The following CCSER1 variants were observed in gnomAD, a reference collection of about 807,000 sequenced individuals.
CCSER1 encodes serine-rich coiled-coil domain-containing protein 1.
A neutral mutation model predicts 82.0 loss-of-function variants in CCSER1; 41 were observed. That is an observed-to-expected ratio of 0.50 (90% CI 0.39 to 0.65). The LOEUF is 0.65. CCSER1 is among the 30% of genes least tolerant of loss of function. The pLI is 0.00. For missense variants in CCSER1, 1,119 were observed against 1,064.2 expected (o/e 1.05, Z -0.72); for synonymous variants, 414 against 383.9 (o/e 1.08, Z -0.92).
At chr4:91,333,220 A>G (rs1293512067) in intron 10 of CCSER1, among the ~76,000 whole-genome samples, 1 of 152,048 alleles carries the variant, frequency 6.6e-6, no homozygotes. Context: ...TTCTGAATAC[A>G]GTATAATGCA....
intron 9 of CCSER1, among the ~76,000 whole-genome samples, chr4:91,082,718 AAATC>A (rs1274871517): frequency 6.6e-6 from 1 of 152,072 alleles, no homozygotes; most frequent in East Asian, 1.9e-4. Flanking sequence ...TTACAAGAAA[AAATC>A]AAACAACCCC....
chr4:90,738,160 A>G lies in CCSER1; in HGVS notation c.2010+14169A>G, dbSNP rs148041691. ...CTAGATGGTCTTGATGCTTGTGGATATTCATCAGGGTCTGGTGTCTGGGTA... is the reference window on the plus strand; with the variant it reads ...CTAGATGGTCTTGATGCTTGTGGATGTTCATCAGGGTCTGGTGTCTGGGTA... On this transcript the variant is annotated intron_variant, in intron 7 of 10. Transcript: ENST00000509176. Among the ~76,000 whole-genome samples the G allele has an allele frequency of 5.7e-3, 867 of 152,180 alleles. 10 individuals carry two copies. The highest frequency in any genetic ancestry group is 0.02 in the African/African-American group (828 of 41,530).
chr4:90,710,477 T>C (rs1026678823), intron 6 of CCSER1, among the ~76,000 whole-genome samples: 2 of 152,202 alleles, frequency 1.3e-5, no homozygotes, highest in East Asian at 3.8e-4. Flanking sequence ...TATATGTAAG[T>C]CTTTAATTCC....
chr4:91,237,270 A>G lies in CCSER1; in HGVS notation c.2217+151276A>G, dbSNP rs538138255. On this transcript the variant is annotated intron_variant, in intron 10 of 10. Transcript: ENST00000509176. The stretch of plus-strand genomic sequence containing the variant: ...AATTAGATGTTTTTTAGAGTTTAAG[A>G]AAGATACTTAGACATCTGTTATAAT... Among the ~76,000 whole-genome samples, 18 of 152,070 alleles carry G rather than the reference A, an allele frequency of 1.2e-4. No homozygotes were observed. In the South Asian group the frequency reaches 1.7e-3, roughly 14 times the overall value.
chr4:91,169,313 A>G (rs566839659), intron 10 of CCSER1, among the ~76,000 whole-genome samples: 2 of 151,584 alleles, frequency 1.3e-5, no homozygotes, highest in South Asian at 4.2e-4. Context: ...TTTGCTTTAT[A>G]TATTTTGAAG....
intron 6 of CCSER1, among the ~76,000 whole-genome samples, chr4:90,707,637 T>G (rs1425143621): frequency 1.3e-5 from 2 of 152,086 alleles, no homozygotes; most frequent in African/African-American, 4.8e-5. Context: ...TTATAATCAC[T>G]TTGGAGTGGT....
chr4:90,276,251 T>TTTCTTTCTTTCTTTCCTTCC (rs1727659770), intron 1 of CCSER1, among the ~76,000 whole-genome samples: 3 of 76,844 alleles, frequency 3.9e-5, no homozygotes, highest in East Asian at 4.0e-4. Context: ...TCTTTCTTTC[T>TTTCTTTCTTTCTTTCCTTCC]TTCCTTCCTT....
At chr4:91,117,453 C>G (rs755451240) in intron 10 of CCSER1, among the ~76,000 whole-genome samples, 10 of 152,186 alleles carry the variant, frequency 6.6e-5, no homozygotes, top group Admixed American at 1.3e-4. Flanking sequence ...TAGCTTATAA[C>G]ATTCTTAGAA....
At chr4:91,321,984 AC>A (rs1306664895) in intron 10 of CCSER1, among the ~76,000 whole-genome samples, 2 of 152,136 alleles carry the variant, frequency 1.3e-5, no homozygotes, top group Non-Finnish European at 2.9e-5. Flanking sequence ...GTTGATTTTT[AC>A]CAACTGTTTT....
At chr4:91,027,478 C>T (rs1392163432) in intron 9 of CCSER1, among the ~76,000 whole-genome samples, 1 of 151,800 alleles carries the variant, frequency 6.6e-6, no homozygotes, top group Non-Finnish European at 1.5e-5. Context: ...TCTAGTTTTT[C>T]CATCAATAAA....
intron 8 of CCSER1, among the ~76,000 whole-genome samples, chr4:90,885,238 T>A (rs946611852): frequency 6.6e-6 from 1 of 152,122 alleles, no homozygotes; most frequent in African/African-American, 2.4e-5. Context: ...GTATTCTCAG[T>A]AATACATTAC....
intron 1 of CCSER1, among the ~76,000 whole-genome samples, chr4:90,292,140 T>G (rs1371375281): frequency 6.6e-6 from 1 of 151,968 alleles, no homozygotes; most frequent in African/African-American, 2.4e-5. Flanking sequence ...TTTGACTGTC[T>G]TTACTATCAT....
intron 10 of CCSER1, among the ~76,000 whole-genome samples, chr4:91,462,834 C>T (rs1311512631): frequency 2.0e-5 from 3 of 152,140 alleles, no homozygotes; most frequent in Non-Finnish European, 4.4e-5. Flanking sequence ...ATTGCTGAGG[C>T]TTGAGTAGGT....
chr4:90,182,285 G>T (rs1170946509), intron 1 of CCSER1, among the ~76,000 whole-genome samples: 1 of 151,878 alleles, frequency 6.6e-6, no homozygotes, highest in African/African-American at 2.4e-5. Context: ...AGTTGTTTTT[G>T]ATTTGACTCA....
At chr4:90,494,126 T>C (rs1354239080) in intron 5 of CCSER1, among the ~76,000 whole-genome samples, 4 of 152,024 alleles carry the variant, frequency 2.6e-5, no homozygotes, top group Non-Finnish European at 5.9e-5. Flanking sequence ...TAGTCTTGGA[T>C]AAAACAGACT....
intron 1 of CCSER1, among the ~76,000 whole-genome samples, chr4:90,252,966 C>T (rs114550330): frequency 1.9e-3 from 289 of 151,984 alleles, no homozygotes; most frequent in African/African-American, 6.7e-3. Context: ...CTGTAGAAGG[C>T]ATACTTTGAA....
At chr4:91,487,211 A>G (rs1187737588) in intron 10 of CCSER1, among the ~76,000 whole-genome samples, 1 of 152,092 alleles carries the variant, frequency 6.6e-6, no homozygotes, top group Admixed American at 6.6e-5. Context: ...TTTCAATTAG[A>G]GTCGAAATTT....
At chr4:91,522,062 G>A (rs944099943) in intron 10 of CCSER1, among the ~76,000 whole-genome samples, 1 of 152,156 alleles carries the variant, frequency 6.6e-6, no homozygotes, top group East Asian at 1.9e-4. Flanking sequence ...TTTGTATAAG[G>A]TGAAAGGAAG....
At chr4:90,881,449 A>G (rs1439133138) in intron 8 of CCSER1, among the ~76,000 whole-genome samples, 1 of 152,202 alleles carries the variant, frequency 6.6e-6, no homozygotes, top group Non-Finnish European at 1.5e-5. Context: ...TTTGGTCCTT[A>G]TGATTATCCT....
Sources: allele counts gnomAD v4.1 joint callset (sites outside exome capture counted in the v4.1 genomes callset), GRCh38; gene constraint gnomAD v4.1.1; transcripts MANE v1.5; gene names NCBI Gene and HGNC (gene_info 2026-07-23, HGNC 2026-07-21).